PES1: variants seen among roughly 807,000 people sequenced by gnomAD.
PES1 encodes the protein pescadillo ribosomal biogenesis factor 1.
A neutral mutation model predicts 77.1 loss-of-function variants in PES1; 31 were observed. The observed-to-expected ratio is 0.40, with a 90% CI of 0.30 to 0.54. PES1 has a LOEUF of 0.54. Ranked by LOEUF, PES1 falls within the 20% of genes least tolerant of loss-of-function variation. The pLI is 0.45. For missense variants in PES1, 658 were observed against 771.7 expected, an observed-to-expected ratio of 0.85 and a Z score of 1.75; for synonymous variants, 282 against 303.0, an observed-to-expected ratio of 0.93 and a Z score of 0.72.
intron 2 of PES1, among the ~76,000 whole-genome samples, chr22:30,598,692 G>A (rs1264803544): frequency 1.3e-5 from 2 of 151,992 alleles, no homozygotes; most frequent in Non-Finnish European, 2.9e-5. Flanking sequence ...GCCTCCCAAA[G>A]TGTTAGGGTT....
upstream of PES1, chr22:30,592,063 C>A: frequency 7.4e-7 from 1 of 1,351,138 alleles, no homozygotes; most frequent in Non-Finnish European, 9.5e-7. Context: ...AGATCTTTCC[C>A]GCTCACAATG....
chr22:30,583,721 C>T (rs1197752766), intron 6 of PES1, among the ~76,000 whole-genome samples: 2 of 152,214 alleles, frequency 1.3e-5, no homozygotes, highest in Non-Finnish European at 2.9e-5. Flanking sequence ...CTCAGGAGTT[C>T]CAGACCAGTC....
rs528082698 is a variant in PES1 at position 30,604,710 on chromosome 22, C to T, written c.-661+751G>A. Among the ~76,000 whole-genome samples the T allele has an allele frequency of 7.2e-5, 11 of 152,178 alleles. 1 individual carries two copies. The South Asian group carries it at 2.3e-3, about 32-fold the overall frequency. ...GGCTTGCAGCTGGCTTTAGAGGTCCCTGTTATCCCAGTCTAGTGGGAGCAC... is the reference window on the plus strand; with the variant it reads ...GGCTTGCAGCTGGCTTTAGAGGTCCTTGTTATCCCAGTCTAGTGGGAGCAC... On this transcript the variant is annotated intron_variant, in intron 2 of 16. Transcript: ENST00000402281.
chr22:30,584,741 A>G, intron 4 of PES1, 24 bp from the exon 5 acceptor site: 5 of 1,611,502 alleles, frequency 3.1e-6, no homozygotes, highest in Non-Finnish European at 4.2e-6. Context: ...GAGGCAGCAC[A>G]TGGGGCCTGT....
chr22:30,599,279 A>G (rs1238796586), intron 2 of PES1, among the ~76,000 whole-genome samples: 1 of 139,732 alleles, frequency 7.2e-6, no homozygotes, highest in Admixed American at 7.3e-5. Context: ...GTTAACATAC[A>G]TTTTTGCCTT....
chr22:30,598,033 G>C (rs949080350), intron 2 of PES1, among the ~76,000 whole-genome samples: 1 of 152,008 alleles, frequency 6.6e-6, no homozygotes, highest in African/African-American at 2.4e-5. Context: ...ACAGGCGCCC[G>C]CCACTACGCC....
chr22:30,605,461 C>A (rs1208446760), exon 2 of PES1: 12 of 985,280 alleles, frequency 1.2e-5, no homozygotes, highest in Non-Finnish European at 1.4e-5. Context: ...TGCTTCTCAC[C>A]AGAGGCTGAC....
intron 10 of PES1, 55 bp downstream of exon 10, chr22:30,580,516 C>T: frequency 1.2e-6 from 2 of 1,606,508 alleles, no homozygotes; most frequent in Non-Finnish European, 1.7e-6. Context: ...AGGGCAGGAC[C>T]CAGACCAGAG....
chr22:30,605,998 C>T (rs142261032), intron 1 of PES1, among the ~76,000 whole-genome samples: 1 of 152,312 alleles, frequency 6.6e-6, no homozygotes, highest in Non-Finnish European at 1.5e-5. Context: ...GCCTAACCCT[C>T]TCTTCTCACA....
chr22:30,587,467 G>C, intron 3 of PES1, 72 bp from the exon 4 acceptor site: 1 of 1,159,108 alleles, frequency 8.6e-7, no homozygotes, highest in Middle Eastern at 2.0e-4. Flanking sequence ...ATGGAAGATG[G>C]AAACGCAGGG....
At chr22:30,579,456 C>T in intron 12 of PES1, 153 bp from the exon 13 acceptor site, 4 of 1,266,722 alleles carry the variant, frequency 3.2e-6, no homozygotes, top group Non-Finnish European at 4.4e-6. Context: ...TTGCACCTCC[C>T]CACAGCCCAG....
Position 30,589,280 on chromosome 22 carries a change from G to GA in PES1, c.25-11dup. ...CCGAGCCTCGTTCATACTGGGAGAG[G>GA]AAAAAAACAATTCTCCATTAGCAAT... On this transcript the variant is annotated splice_polypyrimidine_tract_variant and intron_variant, in intron 1 of 14. Coordinates refer to ENST00000354694, the MANE Select transcript of PES1 (RefSeq NM_014303.4). The GA allele has an allele frequency of 1.9e-6, 3 of 1,607,562 alleles. No individual in the cohort carries two copies. The highest frequency in any genetic ancestry group is 1.7e-5 in the Admixed American group (1 of 59,112).
chr22:30,596,628 A>C, upstream of PES1, among the ~76,000 whole-genome samples: 1 of 152,258 alleles, frequency 6.6e-6, no homozygotes, highest in Non-Finnish European at 1.5e-5. Context: ...CAGTTTTGTC[A>C]AAAATAATTT....
chr22:30,593,447 A>ACTGCACT (rs1420175527), upstream of PES1, among the ~76,000 whole-genome samples: 1 of 152,042 alleles, frequency 6.6e-6, no homozygotes, highest in African/African-American at 2.4e-5. Flanking sequence ...AGATTGTGCC[A>ACTGCACT]CTGCACTCTG....
rs376413658 is a variant in PES1, at chr22:30,600,087, T to A, written c.-661+5374A>T. On this transcript the variant is annotated intron_variant, in intron 2 of 16. Coordinates refer to the PES1 transcript ENST00000402281. ...TGGCTCACGCCTTTAATCCCAGCAC[T>A]TTGGGAGGCAGAGACAGGCAGATAG... Among the ~76,000 whole-genome samples, 7 of 152,302 alleles carry A rather than the reference T, an allele frequency of 4.6e-5. No individual in the cohort carries two copies. In the East Asian group the frequency reaches 1.4e-3, roughly 29 times the overall value.
At chr22:30,587,943 T>A in intron 3 of PES1, 78 bp downstream of exon 3, 1 of 1,456,048 alleles carries the variant, frequency 6.9e-7, no homozygotes, top group East Asian at 2.3e-5. Context: ...GGGTAGGCAA[T>A]CTGCCCAAGG....
In PES1 at chr22:30,589,237, G is replaced by T; in HGVS notation, c.58C>A (p.Arg20=). 6.2e-7 allele frequency: 1 copy of T among 1,613,988 alleles called. No homozygotes were observed. The highest frequency in any genetic ancestry group is 8.5e-7 in the Non-Finnish European group (1 of 1,179,964). ...TGGAGCTTCTTCCGGGCTTTGTTCC[G>T]GGTGATGTAGTTGGTGGCCGAGCCT... ...ERGSATNYIT[R]NKARKKLQLS... Residue 20 remains arginine, a synonymous_variant, in exon 2 of 15, where the codon CGG becomes AGG. Coordinates refer to ENST00000354694, the MANE Select transcript of PES1 (RefSeq NM_014303.4).
intron 4 of PES1, chr22:30,585,408 C>G (rs1376512878): frequency 4.3e-6 from 2 of 461,846 alleles, no homozygotes; most frequent in East Asian, 1.4e-4. Context: ...AGAGAAGACA[C>G]GGAACCACAA....
chr22:30,579,765 C>G lies in PES1; in HGVS notation c.1340G>C (p.Arg447Pro). 6.2e-7 allele frequency: 1 copy of G among 1,613,834 alleles called. No homozygotes were observed. Among genetic ancestry groups the G allele is most frequent in the South Asian group, 1.1e-5 (1 of 91,048 alleles). Residue 447 changes from arginine (R) to proline (P), a missense_variant, in exon 12 of 15, where the codon CGG (arginine) becomes CCG (proline). Coordinates refer to ENST00000354694, the MANE Select transcript of PES1 (RefSeq NM_014303.4). ...PEKLKLLALQ[R>P]GEDPGNLNES... Reference sequence around the variant, plus strand: ...ATCCCGCTCACCTGGGTCCTCTCCCCGCTGCAGAGCCAGCAGCTTCAGCTT... The same window carrying G: ...ATCCCGCTCACCTGGGTCCTCTCCCGGCTGCAGAGCCAGCAGCTTCAGCTT...
Sources: gnomAD v4.1 joint callset for allele counts (sites outside exome capture counted in the v4.1 genomes callset) on GRCh38, gnomAD v4.1.1 for gene constraint, MANE v1.5 for transcripts, NCBI Gene and HGNC (gene_info 2026-07-23, HGNC 2026-07-21) for gene names.